Variants in NOL9 observed in about 807,000 individuals in gnomAD.
NOL9 encodes nucleolar protein 9.
In NOL9, 28 loss-of-function variants were observed where a neutral mutation model predicts 67.9. The observed-to-expected ratio is 0.41, with a 90% CI of 0.31 to 0.57. The LOEUF (loss-of-function observed/expected upper bound fraction) is 0.57. NOL9 is among the 20% of genes least tolerant of loss of function. The probability of loss-of-function intolerance (pLI) is 0.25; values close to 1 mark genes in which losing one functional copy is unlikely to be tolerated. For missense variants in NOL9, 777 were observed against 897.0 expected, an observed-to-expected ratio of 0.87 and a Z score of 1.71; for synonymous variants, 356 against 352.2, an observed-to-expected ratio of 1.01 and a Z score of -0.12.
intron 6 of NOL9, among the ~76,000 whole-genome samples, chr1:6,539,615 T>C (rs538805540): frequency 4.7e-4 from 71 of 151,262 alleles, no homozygotes; most frequent in Admixed American, 1.8e-3. Flanking sequence ...CTCCCAAATA[T>C]CTGGGACTAT....
intron 3 of NOL9, among the ~76,000 whole-genome samples, chr1:6,545,579 AG>A (rs1241426256): frequency 6.6e-6 from 1 of 152,186 alleles, no homozygotes; most frequent in Non-Finnish European, 1.5e-5. Context: ...AGTTGAAAGG[AG>A]GGAGAAGACA....
chr1:6,548,422 C>T (rs1221779121), intron 3 of NOL9: 2 of 220,834 alleles, frequency 9.1e-6, no homozygotes, highest in Admixed American at 4.1e-5. Flanking sequence ...GCTGGGATTA[C>T]AGGCGTGAGC....
intron 11 of NOL9, among the ~76,000 whole-genome samples, chr1:6,526,387 C>G (rs1638884705): frequency 6.6e-6 from 1 of 152,150 alleles, no homozygotes; most frequent in Non-Finnish European, 1.5e-5. Context: ...CGTGATGCCT[C>G]TGAAGACTGT....
chr1:6,538,368 C>T (rs1013889757), intron 6 of NOL9, among the ~76,000 whole-genome samples: 2 of 152,036 alleles, frequency 1.3e-5, no homozygotes, highest in African/African-American at 4.8e-5. Flanking sequence ...AGTAACAATC[C>T]AATTCAAAAA....
At chr1:6,551,345 G>A (rs1557795773) in intron 1 of NOL9, among the ~76,000 whole-genome samples, 1 of 151,974 alleles carries the variant, frequency 6.6e-6, no homozygotes, top group Non-Finnish European at 1.5e-5. Context: ...TCTGGGAGAA[G>A]GAGGTGGGGG....
At chr1:6,552,857 G>A (rs1639572795) in intron 1 of NOL9, among the ~76,000 whole-genome samples, 1 of 150,092 alleles carries the variant, frequency 6.7e-6, no homozygotes, top group African/African-American at 2.5e-5. Flanking sequence ...TGTCGCCCAG[G>A]CTGGAGTGCA....
intron 5 of NOL9, among the ~76,000 whole-genome samples, chr1:6,542,572 C>T (rs1368419665): frequency 1.3e-5 from 2 of 152,004 alleles, no homozygotes; most frequent in Non-Finnish European, 2.9e-5. Context: ...ATTCTCCTGC[C>T]TCAGCCTCCC....
chr1:6,553,715 G>A (rs1165286096), intron 1 of NOL9, among the ~76,000 whole-genome samples: 1 of 151,996 alleles, frequency 6.6e-6, no homozygotes, highest in Non-Finnish European at 1.5e-5. Flanking sequence ...GGTGGCACGC[G>A]CCTGTAGTCC....
In NOL9 at chr1:6,554,468, G is replaced by A. The variant is rs1190306481; in HGVS notation, c.35C>T (p.Ser12Phe). Reference protein sequence around the residue: ...ADSGLLLKRGSCRSTWLRVRK... With the variant: ...ADSGLLLKRGFCRSTWLRVRK... The stretch of plus-strand genomic sequence containing the variant: ...GACCCGCAGCCAAGTGGAACGGCAG[G>A]AACCCCGCTTTAGCAGCAGTCCCGA... Residue 12 changes from serine to phenylalanine, a missense_variant, in exon 1 of 12, where the codon TCC becomes TTC. Ser to Phe is a radical substitution (Grantham distance 155). This residue lies in a region of NOL9 where 364 missense variants were observed against 344.4 expected (regional missense o/e 1.06). Coordinates refer to ENST00000377705, the MANE Select transcript of NOL9 (RefSeq NM_024654.5). The A allele has an allele frequency of 1.3e-5, 20 of 1,550,806 alleles. No homozygotes were observed. Among genetic ancestry groups the A allele is most frequent in the Non-Finnish European group, 1.7e-5 (20 of 1,160,768 alleles).
At chr1:6,527,290 AC>A (rs1198475747) in intron 10 of NOL9, among the ~76,000 whole-genome samples, 1 of 151,548 alleles carries the variant, frequency 6.6e-6, no homozygotes, top group African/African-American at 2.4e-5. Flanking sequence ...GAGTCCTTGA[AC>A]ACTGGGGCAG....
At chr1:6,542,395 G>A (rs996757676) in intron 5 of NOL9, among the ~76,000 whole-genome samples, 2 of 150,392 alleles carry the variant, frequency 1.3e-5, no homozygotes, top group Non-Finnish European at 3.0e-5. Context: ...TCCTGATCTC[G>A]TTCGTGATCT....
chr1:6,539,159 AT>A (rs1166475527), intron 6 of NOL9, among the ~76,000 whole-genome samples: 1 of 152,240 alleles, frequency 6.6e-6, no homozygotes, highest in Non-Finnish European at 1.5e-5. Flanking sequence ...CAAAATAAGC[AT>A]TGGTGAGGAT....
At chr1:6,549,818 AG>A in intron 2 of NOL9, 120 bp from the exon 3 acceptor site, 1 of 1,207,040 alleles carries the variant, frequency 8.3e-7, no homozygotes. Flanking sequence ...TACGGTTGAG[AG>A]CCTTTTTCAG....
At chr1:6,554,044 T>C in intron 1 of NOL9, 63 bp downstream of exon 1, 1 of 1,379,164 alleles carries the variant, frequency 7.3e-7, no homozygotes, top group South Asian at 1.4e-5. Flanking sequence ...CCTGCAGCTC[T>C]CCCGGGGCTG....
rs1553181415 is a variant in NOL9 at position 6,522,896 on chromosome 1, A to AAAAAAG, written c.*2952_*2957dup. ...TAGACTCTGTCTCAAAAAAAAAAAA[A>AAAAAAG]AAAAAGAAATTGCTTCAGCACTTTG... is the stretch of plus-strand genomic sequence containing the variant. On this transcript the variant is annotated 3_prime_UTR_variant, in exon 12 of 12. Transcript: ENST00000377705. The AAAAAAG allele has an allele frequency of 3.4e-5, 5 of 148,962 alleles. No individual in the cohort carries two copies. Among genetic ancestry groups the AAAAAAG allele is most frequent in the African/African-American group, 9.9e-5 (4 of 40,290 alleles). The allele number at this position is 148,962 out of a possible 1,614,324, so 9.2% of individuals were successfully genotyped here. A position where few individuals can be genotyped will look rare whatever the true frequency, so the allele number is the denominator to read the frequency against.
At chr1:6,540,188 G>C (rs12061822) in intron 6 of NOL9, among the ~76,000 whole-genome samples, 8 of 144,500 alleles carry the variant, frequency 5.5e-5, no homozygotes, top group Non-Finnish European at 1.2e-4. Flanking sequence ...AGTGGTGAGA[G>C]CTCAGCTCAC....
chr1:6,536,110 G>T (rs1639149556), intron 6 of NOL9, among the ~76,000 whole-genome samples: 1 of 152,110 alleles, frequency 6.6e-6, no homozygotes, highest in Admixed American at 6.6e-5. Context: ...ACTTTAGGAG[G>T]CTGAGGCGGA....
intron 6 of NOL9, 83 bp downstream of exon 6, chr1:6,541,747 C>T: frequency 1.3e-6 from 1 of 755,718 alleles, no homozygotes; most frequent in South Asian, 2.4e-5. Flanking sequence ...ATATTTTATA[C>T]TCTTCGATTT....
intron 5 of NOL9, 89 bp from the exon 6 acceptor site, chr1:6,542,016 G>T: frequency 1.3e-6 from 1 of 742,308 alleles, no homozygotes; most frequent in South Asian, 2.2e-5. Flanking sequence ...GATTTCATGT[G>T]ACACGCAGGC....
Sources: gnomAD v4.1 joint callset for allele counts (sites outside exome capture counted in the v4.1 genomes callset) on GRCh38, gnomAD v4.1.1 for gene constraint, gnomAD v4.1.1 regional missense constraint, MANE v1.5 for transcripts, NCBI Gene and HGNC (gene_info 2026-07-23, HGNC 2026-07-21) for gene names.